Variants in GABRG1 observed in about 807,000 individuals in gnomAD.
The protein encoded by GABRG1 is gamma-aminobutyric acid receptor subunit gamma-1.
A neutral mutation model predicts 49.8 loss-of-function variants in GABRG1; 49 were observed. That is an observed-to-expected ratio of 0.98 (90% CI 0.78 to 1.25). GABRG1 has a LOEUF of 1.25. GABRG1 is among the 50% of genes most tolerant of loss of function. The pLI is 0.00. For synonymous variants in GABRG1, 232 were observed against 185.1 expected, an observed-to-expected ratio of 1.25 and a Z score of -2.06; for missense variants, 552 against 552.3, an observed-to-expected ratio of 1.00 and a Z score of 0.01.
intron 3 of GABRG1, among the ~76,000 whole-genome samples, chr4:46,069,125 A>T (rs150411839): frequency 5.3e-5 from 8 of 152,208 alleles, no homozygotes; most frequent in Admixed American, 3.9e-4. Context: ...TCAAATTACC[A>T]GTTAATTCAA....
intron 2 of GABRG1, among the ~76,000 whole-genome samples, chr4:46,087,699 G>C (rs1465523650): frequency 6.6e-6 from 1 of 151,884 alleles, no homozygotes; most frequent in East Asian, 1.9e-4. Context: ...TATAGACTTT[G>C]AAATAATTAT....
chr4:46,045,119 A>T (rs1717943787), intron 8 of GABRG1, among the ~76,000 whole-genome samples: 1 of 152,142 alleles, frequency 6.6e-6, no homozygotes, highest in South Asian at 2.1e-4. Flanking sequence ...AAAGGAGAAA[A>T]GTGAAAATGA....
intron 2 of GABRG1, among the ~76,000 whole-genome samples, chr4:46,086,257 A>C (rs2109424281): frequency 6.6e-6 from 1 of 151,788 alleles, no homozygotes; most frequent in East Asian, 1.9e-4. Context: ...TAGGAAGAAA[A>C]GTTTAAAATT....
intron 3 of GABRG1, 36 bp from the exon 4 acceptor site, chr4:46,065,620 GCTA>G (rs1334797456): frequency 1.1e-6 from 1 of 935,648 alleles, no homozygotes; most frequent in African/African-American, 1.7e-5. Flanking sequence ...TATTAGTAAA[GCTA>G]CTATTTTAGT....
At chr4:46,091,743 T>C (rs1719997853) in intron 2 of GABRG1, among the ~76,000 whole-genome samples, 4 of 151,812 alleles carry the variant, frequency 2.6e-5, no homozygotes, top group Admixed American at 2.6e-4. Flanking sequence ...TGCAGAGAAA[T>C]TGAGACAGAA....
intron 8 of GABRG1, among the ~76,000 whole-genome samples, chr4:46,043,822 A>G (rs1304232126): frequency 6.6e-6 from 1 of 151,998 alleles, no homozygotes; most frequent in African/African-American, 2.4e-5. Context: ...AATTTTCACT[A>G]TTAAGGATAT....
intron 3 of GABRG1, among the ~76,000 whole-genome samples, chr4:46,071,740 G>GA (rs1298827492): frequency 6.6e-6 from 1 of 151,402 alleles, no homozygotes; most frequent in Admixed American, 6.6e-5. Flanking sequence ...AAAAAAAATT[G>GA]AAAAAAGCAA....
intron 2 of GABRG1, among the ~76,000 whole-genome samples, chr4:46,085,090 T>G (rs1237933802): frequency 5.3e-5 from 8 of 151,588 alleles, no homozygotes; most frequent in African/African-American, 1.7e-4. Flanking sequence ...ATAAGAGATT[T>G]TTTTTTTCAG....
chr4:46,057,269 T>C (rs1273908584), intron 7 of GABRG1, among the ~76,000 whole-genome samples: 1 of 152,158 alleles, frequency 6.6e-6, no homozygotes, highest in African/African-American at 2.4e-5. Context: ...TGCATTGTTG[T>C]TGTCACTTTT....
intron 1 of GABRG1, among the ~76,000 whole-genome samples, chr4:46,123,520 C>T (rs539300594): frequency 6.6e-6 from 1 of 152,004 alleles, no homozygotes; most frequent in South Asian, 2.1e-4. Context: ...ATTTCTACTC[C>T]CCCTCACTCC....
chr4:46,061,083 C>A (rs752372022), intron 5 of GABRG1, among the ~76,000 whole-genome samples: 4 of 149,670 alleles, frequency 2.7e-5, no homozygotes, highest in Non-Finnish European at 4.4e-5. Context: ...TTACTATTAA[C>A]AACAATCAAA....
chr4:46,092,577 A>C (rs1720027541), intron 2 of GABRG1, among the ~76,000 whole-genome samples: 1 of 152,004 alleles, frequency 6.6e-6, no homozygotes, highest in African/African-American at 2.4e-5. Flanking sequence ...AAACAATAGA[A>C]AGGTAGTCGA....
chr4:46,065,606 A>C, intron 3 of GABRG1, 22 bp from the exon 4 acceptor site: 1 of 1,051,466 alleles, frequency 9.5e-7, no homozygotes, highest in Non-Finnish European at 1.4e-6. Context: ...GAAGAGTAAC[A>C]ACATATTAGT....
chr4:46,062,830 C>G (rs1190511410), intron 5 of GABRG1, among the ~76,000 whole-genome samples: 1 of 152,066 alleles, frequency 6.6e-6, no homozygotes, highest in African/African-American at 2.4e-5. Context: ...TCTCAGGATA[C>G]AAAATCAATG....
chr4:46,041,366 G>T, intron 8 of GABRG1, 112 bp from the exon 9 acceptor site: 1 of 910,908 alleles, frequency 1.1e-6, no homozygotes, highest in Non-Finnish European at 1.6e-6. Context: ...AAATAATCTT[G>T]ATTTCAAAAA....
chr4:46,097,223 A>C lies in GABRG1; in HGVS notation c.231T>G (p.Asn77Lys). Residue 77 changes from asparagine to lysine, a missense_variant, in exon 2 of 9, where the codon AAT (asparagine) becomes AAG (lysine). By Grantham distance (94) the Asn-to-Lys change is moderately conservative. Coordinates refer to ENST00000295452, the MANE Select transcript of GABRG1 (RefSeq NM_173536.4). ...ILNSLLQGYD[N>K]KLRPDIGVRP... ...TACCTCCTATATCTGGACGAAGTTT[A>C]TTGTCATAGCCTTGAAGCAATGAAT... 6.2e-7 allele frequency: 1 copy of C among 1,608,954 alleles called. No homozygotes were observed. Among genetic ancestry groups the C allele is most frequent in the Non-Finnish European group, 8.5e-7 (1 of 1,177,246 alleles).
At chr4:46,043,779 A>G (rs1397887406) in intron 8 of GABRG1, among the ~76,000 whole-genome samples, 1 of 152,076 alleles carries the variant, frequency 6.6e-6, no homozygotes, top group Non-Finnish European at 1.5e-5. Context: ...TACTAAGAAT[A>G]TAGCTGAGCT....
At chr4:46,090,231 T>C (rs761904148) in intron 2 of GABRG1, among the ~76,000 whole-genome samples, 3 of 152,074 alleles carry the variant, frequency 2.0e-5, no homozygotes, top group Non-Finnish European at 4.4e-5. Flanking sequence ...ATGATACAGT[T>C]ATCAAGGTAT....
intron 3 of GABRG1, among the ~76,000 whole-genome samples, chr4:46,071,518 T>G (rs1254564795): frequency 6.6e-6 from 1 of 151,128 alleles, no homozygotes; most frequent in Non-Finnish European, 1.5e-5. Flanking sequence ...TTATATATGT[T>G]AACTGTAAAA....
Sources: allele counts gnomAD v4.1 joint callset (sites outside exome capture counted in the v4.1 genomes callset), GRCh38; gene constraint gnomAD v4.1.1; transcripts MANE v1.5; gene names NCBI Gene and HGNC (gene_info 2026-07-23, HGNC 2026-07-21).